Variants in CDH7 observed in about 807,000 individuals in gnomAD.
CDH7 encodes the protein cadherin 7.
Under a neutral mutation model 71.8 loss-of-function variants are expected in CDH7, and 25 were observed. That is an observed-to-expected ratio of 0.35 (90% confidence interval 0.25 to 0.49). CDH7 has a LOEUF of 0.49. Among genes scored for constraint, CDH7 ranks in the 20% least tolerant of loss-of-function variants. The pLI is 0.99. For synonymous variants in CDH7, 381 were observed against 363.8 expected (o/e 1.05, Z -0.54); for missense variants, 862 against 974.6 (o/e 0.88, Z 1.54).
intron 6 of CDH7, among the ~76,000 whole-genome samples, chr18:65,837,927 T>TTTA (rs2143974891): frequency 6.7e-6 from 1 of 149,540 alleles, no homozygotes; most frequent in African/African-American, 2.5e-5. Context: ...TAGAGTAATT[T>TTTA]TTTTTTTTTT....
At position 65,843,980 on chromosome 18, in the gene CDH7, A is replaced by G. The variant is rs749500257; in HGVS notation, c.1150A>G (p.Met384Val). The change falls in exon 7 of 12, where the codon ATG becomes GTG. Residue 384 changes from methionine to valine, a missense_variant. Transcript: ENST00000397968. The stretch of plus-strand genomic sequence containing the variant: ...TGTGTTCTCTTCACCCTTGTACCCT[A>G]TGGAGGTGTCGGAAGCTACCCAGGT... The part of the protein sequence containing the change: ...PPVFSSPLYP[M>V]EVSEATQVGN... 1.1e-5 allele frequency: 18 copies of G among 1,612,632 alleles called. No homozygotes were observed. Among genetic ancestry groups the G allele is most frequent in the South Asian group, 2.2e-5 (2 of 91,038 alleles).
At chr18:65,758,150 G>T (rs542493662) in intron 1 of CDH7, among the ~76,000 whole-genome samples, 1 of 152,238 alleles carries the variant, frequency 6.6e-6, no homozygotes, top group South Asian at 2.1e-4. Context: ...TTATAAAGAG[G>T]TTATACAGTG....
At chr18:65,781,864 TTCTCTCTC>T (rs199977503) in intron 2 of CDH7, among the ~76,000 whole-genome samples, 2 of 54,626 alleles carry the variant, frequency 3.7e-5, no homozygotes, top group Admixed American at 1.5e-4. Flanking sequence ...CTTTCTTTCT[TTCTCTCTC>T]TCTCTCTGTC....
At chr18:65,826,948 A>G (rs936503667) in intron 6 of CDH7, among the ~76,000 whole-genome samples, 2 of 151,610 alleles carry the variant, frequency 1.3e-5, no homozygotes, top group South Asian at 2.1e-4. Context: ...TTAATAAATT[A>G]TGATTAAAAA....
At chr18:65,751,195 A>G in intron 1 of CDH7, 45 bp downstream of exon 1, 1 of 152,540 alleles carries the variant, frequency 6.6e-6, no homozygotes, top group Non-Finnish European at 1.5e-5. Flanking sequence ...GCCGCTGGGC[A>G]GATGTGCGCC....
chr18:65,793,616 G>A (rs1478892004), intron 2 of CDH7, among the ~76,000 whole-genome samples: 2 of 152,098 alleles, frequency 1.3e-5, no homozygotes, highest in African/African-American at 4.8e-5. Context: ...ATTATAAGTT[G>A]CCTAGAACAT....
At chr18:65,861,315 T>C (rs1450543479) in intron 10 of CDH7, among the ~76,000 whole-genome samples, 1 of 130,110 alleles carries the variant, frequency 7.7e-6, no homozygotes, top group East Asian at 2.3e-4. Context: ...CTTGTGTTCC[T>C]CAATTCACCG....
chr18:65,889,225 A>G lies in CDH7; in HGVS notation c.*8331A>G, dbSNP rs545501833. 2.6e-5 allele frequency: 4 copies of G among 152,174 alleles called. No homozygotes were observed. The highest frequency in any genetic ancestry group is 4.4e-5 in the Non-Finnish European group (3 of 68,028). 9.4% of individuals were successfully genotyped at this position (152,174 alleles called of 1,614,324 possible). A position where few individuals can be genotyped will look rare whatever the true frequency, so the allele number is the denominator to read the frequency against. ...ACTTGTTATTGAATAGTTGGCACACAAGGGTAGGAGAAAAATCCCAACAAC... is the reference window on the plus strand; with the variant it reads ...ACTTGTTATTGAATAGTTGGCACACGAGGGTAGGAGAAAAATCCCAACAAC... On this transcript the variant is annotated 3_prime_UTR_variant, in exon 12 of 12. Transcript: ENST00000397968.
rs377286222 is a variant in CDH7 at position 65,769,709 on chromosome 18, C to T, written c.210+6657C>T. ...AGTCTGGGATAGTTCCTTAGTCTTTCGTTGTCATTCTTGACCCATAATTGG... is the reference window on the plus strand; with the variant it reads ...AGTCTGGGATAGTTCCTTAGTCTTTTGTTGTCATTCTTGACCCATAATTGG... On this transcript the variant is annotated intron_variant, in intron 2 of 11. Transcript: ENST00000397968. Among the ~76,000 whole-genome samples the T allele has an allele frequency of 6.6e-5, 10 of 152,230 alleles. No individual in the cohort carries two copies. In the East Asian group the frequency reaches 9.7e-4, roughly 15 times the overall value.
At chr18:65,768,105 A>G (rs1916431153) in intron 2 of CDH7, among the ~76,000 whole-genome samples, 1 of 152,246 alleles carries the variant, frequency 6.6e-6, no homozygotes, top group South Asian at 2.1e-4. Flanking sequence ...TATGTTGATC[A>G]AAATCATTTA....
At chr18:65,794,785 G>A (rs1052466942) in intron 2 of CDH7, among the ~76,000 whole-genome samples, 1 of 151,924 alleles carries the variant, frequency 6.6e-6, no homozygotes, top group Non-Finnish European at 1.5e-5. Flanking sequence ...TTCGTTGTTG[G>A]GGAGACCTGC....
chr18:65,785,951 A>T (rs1373582458), intron 2 of CDH7, among the ~76,000 whole-genome samples: 2 of 152,198 alleles, frequency 1.3e-5, no homozygotes, highest in African/African-American at 4.8e-5. Context: ...TTTAAAACAC[A>T]TTATAAATAC....
At chr18:65,769,295 A>G (rs963232329) in intron 2 of CDH7, among the ~76,000 whole-genome samples, 3 of 152,228 alleles carry the variant, frequency 2.0e-5, no homozygotes, top group Non-Finnish European at 2.9e-5. Flanking sequence ...TTTATATAGT[A>G]GAAAGATCAG....
rs141136047 is a variant in CDH7 at position 65,859,039 on chromosome 18, C to T, written c.1487C>T (p.Pro496Leu). Reference sequence around the variant, plus strand: ...ACCACCGTCTGTGAAAATGCCCAGCCGGGGCAGGTAAGAGTCTTCAGAACA... The same window carrying T: ...ACCACCGTCTGTGAAAATGCCCAGCTGGGGCAGGTAAGAGTCTTCAGAACA... ...YETTVCENAQ[P>L]GQVIQKISAV... Residue 496 changes from proline (P) to leucine (L), a missense_variant, in exon 9 of 12, where the codon CCG (proline) becomes CTG (leucine). By Grantham distance (98) the Pro-to-Leu change is moderately conservative (BLOSUM62 -3). Coordinates refer to ENST00000397968, the MANE Select transcript of CDH7 (RefSeq NM_004361.5). 9.1e-5 allele frequency: 147 copies of T among 1,613,332 alleles called. 1 individual carries two copies. In the African/African-American group the frequency reaches 1.6e-3, roughly 17 times the overall value.
At chr18:65,808,541 G>A (rs778113234) in intron 2 of CDH7, among the ~76,000 whole-genome samples, 2 of 152,156 alleles carry the variant, frequency 1.3e-5, no homozygotes, top group African/African-American at 4.8e-5. Context: ...AGGTATTCAA[G>A]TACTTGGAAG....
At chr18:65,828,568 A>G (rs937508961) in intron 6 of CDH7, among the ~76,000 whole-genome samples, 1 of 152,154 alleles carries the variant, frequency 6.6e-6, no homozygotes, top group Non-Finnish European at 1.5e-5. Context: ...GTGTTAATAG[A>G]ATAATTGTGT....
intron 2 of CDH7, among the ~76,000 whole-genome samples, chr18:65,798,606 G>A (rs1911001475): frequency 6.6e-6 from 1 of 152,140 alleles, no homozygotes; most frequent in Non-Finnish European, 1.5e-5. Context: ...AGTAGGATTG[G>A]GCAGTAAAAG....
At position 65,853,922 on chromosome 18, in the gene CDH7, T is replaced by TATATATATATATCC. The variant is rs1555689484; in HGVS notation, c.1236-3882_1236-3881insCCATATATATATAT. ...ATAAATTACCATATATATATATATA[T>TATATATATATATCC]ATATATATATATATATATATATATA... On this transcript the variant is annotated intron_variant, in intron 7 of 11. Coordinates refer to ENST00000397968, the MANE Select transcript of CDH7 (RefSeq NM_004361.5). Among the ~76,000 whole-genome samples, 33 of 75,794 alleles carry TATATATATATATCC rather than the reference T, an allele frequency of 4.4e-4. 1 individual carries two copies. The highest frequency in any genetic ancestry group is 1.9e-3 in the African/African-American group (31 of 16,336). The allele number at this position is 75,794 out of a possible 152,430, so 49.7% of individuals were successfully genotyped here.
At chr18:65,829,539 C>T (rs1333240151) in intron 6 of CDH7, among the ~76,000 whole-genome samples, 3 of 150,948 alleles carry the variant, frequency 2.0e-5, no homozygotes, top group East Asian at 2.0e-4. Flanking sequence ...TCCTCAGTTT[C>T]ACTCAACAAT....
Sources: gnomAD v4.1 joint callset for allele counts (sites outside exome capture counted in the v4.1 genomes callset) on GRCh38, gnomAD v4.1.1 for gene constraint, MANE v1.5 for transcripts, NCBI Gene and HGNC (gene_info 2026-07-23, HGNC 2026-07-21) for gene names.